Variants in GBA2 observed in about 807,000 individuals in gnomAD.
GBA2 encodes the protein non-lysosomal glucosylceramidase.
A neutral mutation model predicts 112.9 loss-of-function variants in GBA2; 79 were observed. That is an observed-to-expected ratio of 0.70 (90% CI 0.58 to 0.84). GBA2 has a LOEUF of 0.84. GBA2 is among the 40% of genes least tolerant of loss of function. The pLI, the probability that GBA2 is intolerant of heterozygous loss-of-function variation, is 0.00. For missense variants in GBA2, 1,043 were observed against 1,190.0 expected (o/e 0.88, Z 1.82); for synonymous variants, 403 against 434.3 (o/e 0.93, Z 0.90).
Position 35,748,882 on chromosome 9 carries a change from A to T in GBA2, c.-178T>A. 2 of 541,308 alleles carry T rather than the reference A, an allele frequency of 3.7e-6. No homozygotes were observed. Among genetic ancestry groups the T allele is most frequent in the Non-Finnish European group, 6.5e-6 (2 of 306,472 alleles). The allele number at this position is 541,308 out of a possible 1,614,324, so 33.5% of individuals were successfully genotyped here. A position where few individuals can be genotyped will look rare whatever the true frequency, so the allele number is the denominator to read the frequency against. On this transcript the variant is annotated 5_prime_UTR_variant, in exon 1 of 17. Transcript: ENST00000378103. Reference sequence around the variant, plus strand: ...CTCTTGCTTCAGTGGGGGCGGCGACAGCAAAGAAGCCGCCTTGGGCTCTCC... The same window carrying T: ...CTCTTGCTTCAGTGGGGGCGGCGACTGCAAAGAAGCCGCCTTGGGCTCTCC...
chr9:35,742,100 A>G (rs1182968209), intron 3 of GBA2: 23 of 602,086 alleles, frequency 3.8e-5, no homozygotes, highest in Middle Eastern at 3.8e-4. Context: ...CTTCTCCACT[A>G]CGGTGGTGTT....
In GBA2 at chr9:35,739,121, A is replaced by C. The variant is rs757643647; in HGVS notation, c.1688-12T>G. 1.4e-6 allele frequency: 2 copies of C among 1,433,882 alleles called. No individual in the cohort carries two copies. The highest frequency in any genetic ancestry group is 2.3e-5 in the South Asian group (2 of 85,350). The allele number at this position is 1,433,882 out of a possible 1,614,324, so 88.8% of individuals were successfully genotyped here. On this transcript the variant is annotated splice_polypyrimidine_tract_variant and intron_variant, in intron 10 of 16. Coordinates refer to ENST00000378103, the MANE Select transcript of GBA2 (RefSeq NM_020944.3). ...GAGAGTGGCCAGAGCTGGGGGAGAG[A>C]CACAGAAGGGAGGCAGGGAATGGGC...
intron 8 of GBA2, 69 bp downstream of exon 8, chr9:35,739,929 G>A (rs1212311000): frequency 6.3e-7 from 1 of 1,583,064 alleles, no homozygotes; most frequent in East Asian, 2.2e-5. Context: ...GGTGGGTGGA[G>A]AGTAAATCGA....
rs941656065 is a variant in GBA2 at position 35,739,626 on chromosome 9, A to C, written c.1582+2T>G. ...ATATCCCAGCCCACCAGCATCCTGT[A>C]CCCTCAAGGTAGCCAAATCGACCGT... is the stretch of plus-strand genomic sequence containing the variant. On this transcript the variant is annotated splice_donor_variant, in intron 9 of 16. Coordinates refer to ENST00000378103, the MANE Select transcript of GBA2 (RefSeq NM_020944.3). LOFTEE classifies it high-confidence loss of function. 3.7e-6 allele frequency: 6 copies of C among 1,613,244 alleles called. No individual in the cohort carries two copies. Among genetic ancestry groups the C allele is most frequent in the Non-Finnish European group, 5.1e-6 (6 of 1,179,382 alleles).
chr9:35,748,911 G>C lies in GBA2; in HGVS notation c.-207C>G. Reference sequence around the variant, plus strand: ...AAGAAGCCGCCTTGGGCTCTCCTTCGGTTGTCTCTGTAGGTCCTGGACGGG... The same window carrying C: ...AAGAAGCCGCCTTGGGCTCTCCTTCCGTTGTCTCTGTAGGTCCTGGACGGG... On this transcript the variant is annotated 5_prime_UTR_variant, in exon 1 of 17. Coordinates refer to ENST00000378103, the MANE Select transcript of GBA2 (RefSeq NM_020944.3). 4.1e-6 allele frequency: 2 copies of C among 491,892 alleles called. No homozygotes were observed. Among genetic ancestry groups the C allele is most frequent in the Non-Finnish European group, 7.2e-6 (2 of 278,710 alleles). 30.5% of individuals were successfully genotyped at this position (491,892 alleles called of 1,614,324 possible).
intron 9 of GBA2, 85 bp from the exon 10 acceptor site, chr9:35,739,504 G>A (rs1316973159): frequency 2.3e-6 from 3 of 1,285,264 alleles, no homozygotes; most frequent in Non-Finnish European, 2.2e-6. Context: ...AGATTTAGAG[G>A]TGGGGCATTG....
chr9:35,741,807 C>G lies in GBA2; in HGVS notation c.651G>C (p.Trp217Cys), dbSNP rs1354082523. 1 of 1,613,706 alleles carries G rather than the reference C, an allele frequency of 6.2e-7. No homozygotes were observed. The stretch of plus-strand genomic sequence containing the variant: ...CAAAGTACCCACACAGGCCCCAGTT[C>G]CAGCTGCGGAGGACACTTGGGCGCT... ...SLERPSVLRS[W>C]NWGLCGYFAF... is the part of the protein sequence containing the mutation. The change falls in exon 4 of 17, where the codon TGG (tryptophan) becomes TGC (cysteine). Residue 217 changes from tryptophan (W) to cysteine (C), a missense_variant. Physicochemically the swap from Trp to Cys is radical, Grantham distance 215. Transcript: ENST00000378103. This position sits in a 1 kb window ranked among gnomAD's most constrained non-coding sequence, Gnocchi z 4.6.
At position 35,741,622 on chromosome 9, in the gene GBA2, A is replaced by G. The variant is rs1266922836; in HGVS notation, c.786+50T>C. 9 of 1,215,940 alleles carry G rather than the reference A, an allele frequency of 7.4e-6. No individual in the cohort carries two copies. In the Admixed American group the frequency reaches 1.5e-4, roughly 20 times the overall value. The allele number at this position is 1,215,940 out of a possible 1,614,324, so 75.3% of individuals were successfully genotyped here. A position where few individuals can be genotyped will look rare whatever the true frequency, so the allele number is the denominator to read the frequency against. ...AGGCCATGCAGTTTCTAGCAGAGGC[A>G]GGTCCTGGGGAAGGGAGGGCAATGG... On this transcript the variant is annotated intron_variant, in intron 4 of 16. Coordinates refer to ENST00000378103, the MANE Select transcript of GBA2 (RefSeq NM_020944.3). This position sits in a 1 kb window ranked among gnomAD's most constrained non-coding sequence, Gnocchi z 4.6.
rs1826613464 is a variant in GBA2 at position 35,740,743 on chromosome 9, T to C, written c.1026+82A>G. Reference sequence around the variant, plus strand: ...TCCCAGGCCCAGGGGCTTACAGGAGTATGATGAGGGTGGATGAAGAGACCA... The same window carrying C: ...TCCCAGGCCCAGGGGCTTACAGGAGCATGATGAGGGTGGATGAAGAGACCA... On this transcript the variant is annotated intron_variant, in intron 5 of 16. Coordinates refer to ENST00000378103, the MANE Select transcript of GBA2 (RefSeq NM_020944.3). This position sits in a 1 kb window ranked among gnomAD's most constrained non-coding sequence, Gnocchi z 4.7. 6.4e-7 allele frequency: 1 copy of C among 1,564,352 alleles called. No homozygotes were observed. Among genetic ancestry groups the C allele is most frequent in the South Asian group, 1.1e-5 (1 of 88,276 alleles).
chr9:35,740,347 G>A lies in GBA2; in HGVS notation c.1145C>T (p.Thr382Met), dbSNP rs754394408. Residue 382 changes from threonine (T) to methionine (M), a missense_variant, in exon 7 of 17, where the codon ACG (threonine) becomes ATG (methionine). Transcript: ENST00000378103. The surrounding 1 kb of genome is among the most constrained non-coding windows in gnomAD (Gnocchi z 4.7). ...TCCAGCAATGCCTACTCCTTTCTGC[G>A]TAGGGGTGCTTTGGCCTGAGAGAAA... ...LDSPTGQSTP[T>M]QKGVGIAGAV... 33 of 1,613,112 alleles carry A rather than the reference G, an allele frequency of 2.0e-5. No individual in the cohort carries two copies. In the East Asian group the frequency reaches 2.9e-4, roughly 14 times the overall value.
At position 35,737,488 on chromosome 9, in the gene GBA2, C is replaced by T. The variant is rs747229291; in HGVS notation, c.2506-41G>A. On this transcript the variant is annotated intron_variant, in intron 16 of 16. Transcript: ENST00000378103. This position sits in a 1 kb window ranked among gnomAD's most constrained non-coding sequence, Gnocchi z 4.1. ...ACAGTCATACATACTAACTTGGCAC[C>T]CTCTGAAGAGCCACTTCCACTGGAT... 1 of 1,599,508 alleles carries T rather than the reference C, an allele frequency of 6.3e-7. No individual in the cohort carries two copies. The highest frequency in any genetic ancestry group is 1.7e-5 in the Admixed American group (1 of 57,528).
At position 35,741,170 on chromosome 9, in the gene GBA2, CA is replaced by C. The variant is rs1826649094; in HGVS notation, c.787-107del. 2 of 1,199,492 alleles carry C rather than the reference CA, an allele frequency of 1.7e-6. No homozygotes were observed. The highest frequency in any genetic ancestry group is 2.4e-6 in the Non-Finnish European group (2 of 845,468). The allele number at this position is 1,199,492 out of a possible 1,614,324, so 74.3% of individuals were successfully genotyped here. On this transcript the variant is annotated intron_variant, in intron 4 of 16. Transcript: ENST00000378103. This position sits in a 1 kb window ranked among gnomAD's most constrained non-coding sequence, Gnocchi z 4.6. ...CAGAGGACCTGACTCAAATACTCCC[CA>C]GTGTACTCTTCTTTTGTCCACTTGC...
chr9:35,746,892 T>G lies in GBA2; in HGVS notation c.359+1454A>C, dbSNP rs181687817. On this transcript the variant is annotated intron_variant, in intron 1 of 16. Coordinates refer to ENST00000378103, the MANE Select transcript of GBA2 (RefSeq NM_020944.3). This position sits in a 1 kb window ranked among gnomAD's most constrained non-coding sequence, Gnocchi z 5.2. ...GACTCTGGCTGGAAGGGAGAACAAT[T>G]GAAATTGAGTTCTTACGAAGGTAAG... Among the ~76,000 whole-genome samples the G allele has an allele frequency of 1.3e-3, 194 of 152,292 alleles. No individual in the cohort carries two copies. Among genetic ancestry groups the G allele is most frequent in the African/African-American group, 4.4e-3 (183 of 41,562 alleles).
At chr9:35,748,307 G>T in intron 1 of GBA2, 39 bp downstream of exon 1, 1 of 1,289,788 alleles carries the variant, frequency 7.8e-7, no homozygotes, top group East Asian at 2.3e-5. Context: ...CTGGAACAAA[G>T]TGAAGCCAAA....
Position 35,741,330 on chromosome 9 carries a change from T to G in GBA2, c.787-266A>C. 1 of 517,748 alleles carries G rather than the reference T, an allele frequency of 1.9e-6. No individual in the cohort carries two copies. 32.1% of individuals were successfully genotyped at this position (517,748 alleles called of 1,614,324 possible). A position where few individuals can be genotyped will look rare whatever the true frequency, so the allele number is the denominator to read the frequency against. ...TTTCACAGGCCATGCAGTTTCTTTTTTTTTTTTTTTGGGGGGTGCGGTGGC... is the reference window on the plus strand; with the variant it reads ...TTTCACAGGCCATGCAGTTTCTTTTGTTTTTTTTTTGGGGGGTGCGGTGGC... On this transcript the variant is annotated intron_variant, in intron 4 of 16. Coordinates refer to ENST00000378103, the MANE Select transcript of GBA2 (RefSeq NM_020944.3). The surrounding 1 kb of genome is among the most constrained non-coding windows in gnomAD (Gnocchi z 4.6).
At chr9:35,739,875 G>C in intron 8 of GBA2, 75 bp from the exon 9 acceptor site, 1 of 1,557,442 alleles carries the variant, frequency 6.4e-7, no homozygotes, top group East Asian at 2.2e-5. Context: ...GGGTTCAGCA[G>C]AGTGGGATCA....
chr9:35,747,680 C>T (rs1395465292), intron 1 of GBA2, among the ~76,000 whole-genome samples: 1 of 152,236 alleles, frequency 6.6e-6, no homozygotes, highest in Non-Finnish European at 1.5e-5. Flanking sequence ...GGTCTGGCTC[C>T]TCATCACTAG....
Position 35,740,700 on chromosome 9 carries a change from TCTTA to T in GBA2, c.1027-76_1027-73del, listed in dbSNP as rs1158530885. ...GGGTCCCGGCTAGCTCCCCAGCTCC[TCTTA>T]CTTACTCTTAACCTCCCAGGCCCAG... On this transcript the variant is annotated intron_variant, in intron 5 of 16. Coordinates refer to ENST00000378103, the MANE Select transcript of GBA2 (RefSeq NM_020944.3). The surrounding 1 kb of genome is among the most constrained non-coding windows in gnomAD (Gnocchi z 4.7). The T allele has an allele frequency of 3.2e-5, 48 of 1,516,008 alleles. No homozygotes were observed. The highest frequency in any genetic ancestry group is 2.4e-4 in the South Asian group (21 of 87,128). The allele number at this position is 1,516,008 out of a possible 1,614,324, so 93.9% of individuals were successfully genotyped here. A position where few individuals can be genotyped will look rare whatever the true frequency, so the allele number is the denominator to read the frequency against.
rs1826376284 is a variant in GBA2, at chr9:35,738,314, C to T, written c.2115G>A (p.Leu705=). The T allele has an allele frequency of 4.3e-6, 7 of 1,614,148 alleles. No homozygotes were observed. Among genetic ancestry groups the T allele is most frequent in the Non-Finnish European group, 5.9e-6 (7 of 1,180,006 alleles). ...TATCCTGGATGTCCTGTGCCCCACA[C>T]AGAGCAGCCATCTGGACCATCACAG... ...AVAVMVQMAA[L]CGAQDIQDKF... The change falls in exon 14 of 17, where the codon CTG becomes CTA. Residue 705 remains leucine, a synonymous_variant. Transcript: ENST00000378103.
Sources: gnomAD v4.1 joint callset for allele counts (sites outside exome capture counted in the v4.1 genomes callset) on GRCh38, gnomAD v4.1.1 for gene constraint, Gnocchi (gnomAD v3.1) non-coding constraint, MANE v1.5 for transcripts, NCBI Gene and HGNC (gene_info 2026-07-23, HGNC 2026-07-21) for gene names.